The following SUPT3H variants were observed in gnomAD, a reference collection of about 807,000 sequenced individuals.
SUPT3H encodes SPT3 homolog, SAGA and STAGA complex component, also known as transcription initiation protein SPT3 homolog.
In SUPT3H, 44 loss-of-function variants were observed where a neutral mutation model predicts 44.3. That is an observed-to-expected ratio of 0.99 (90% CI 0.78 to 1.28). The LOEUF (loss-of-function observed/expected upper bound fraction) is 1.28, where lower values mean the gene tolerates loss of function less well. Among genes scored for constraint, SUPT3H ranks in the 50% most tolerant of loss-of-function variants. The pLI, the probability that SUPT3H is intolerant of heterozygous loss-of-function variation, is 0.00. For missense variants in SUPT3H, 380 were observed against 387.1 expected (o/e 0.98, Z 0.15); for synonymous variants, 124 against 125.6 (o/e 0.99, Z 0.09).
chr6:45,052,627 C>A (rs2153537034), intron 3 of SUPT3H, among the ~76,000 whole-genome samples: 1 of 152,282 alleles, frequency 6.6e-6, no homozygotes, highest in African/African-American at 2.4e-5. Context: ...AAAACCTCTA[C>A]ATAAATACGG....
rs752887669 is a variant in SUPT3H, at chr6:45,295,524, C to CAAAAAA, written c.101+69671_101+69676dup. Among the ~76,000 whole-genome samples the CAAAAAA allele has an allele frequency of 2.6e-3, 105 of 40,088 alleles. 4 individuals carry two copies. The highest frequency in any genetic ancestry group is 9.9e-3 in the East Asian group (4 of 404). 26.3% of individuals were successfully genotyped at this position (40,088 alleles called of 152,430 possible). A position where few individuals can be genotyped will look rare whatever the true frequency, so the allele number is the denominator to read the frequency against. ...ATTAAACGAAAGAGCTTTTGCACAGCAAAAAAAAAAAAAAAAAAAAAAAAA... is the reference window on the plus strand; with the variant it reads ...ATTAAACGAAAGAGCTTTTGCACAGCAAAAAAAAAAAAAAAAAAAAAAAAAAAAAAA... On this transcript the variant is annotated intron_variant, in intron 2 of 10. Transcript: ENST00000371459.
At chr6:44,889,039 C>T (rs1206966871) in intron 10 of SUPT3H, among the ~76,000 whole-genome samples, 1 of 149,126 alleles carries the variant, frequency 6.7e-6, no homozygotes, top group Non-Finnish European at 1.5e-5. Flanking sequence ...GAATAAAATA[C>T]CTAGGAATCC....
chr6:44,816,772 C>T (rs930492950), intron 11 of SUPT3H, among the ~76,000 whole-genome samples: 10 of 152,132 alleles, frequency 6.6e-5, no homozygotes, highest in Non-Finnish European at 1.2e-4. Flanking sequence ...ATCAAAATGT[C>T]GCCAGGCACA....
chr6:45,326,288 C>T (rs1288062572), intron 2 of SUPT3H, among the ~76,000 whole-genome samples: 3 of 151,808 alleles, frequency 2.0e-5, no homozygotes, highest in Non-Finnish European at 4.4e-5. Flanking sequence ...CAGCTACCTA[C>T]ATATTTTCAA....
intron 2 of SUPT3H, among the ~76,000 whole-genome samples, chr6:45,272,842 C>T (rs574756297): frequency 4.4e-4 from 67 of 152,198 alleles, no homozygotes; most frequent in Non-Finnish European, 8.4e-4. Flanking sequence ...ACAAGCAAAA[C>T]GCCTCAAGCA....
At position 44,953,404 on chromosome 6, in the gene SUPT3H, G is replaced by A. The variant is rs1406734076; in HGVS notation, c.707C>T (p.Ala236Val). 3.7e-6 allele frequency: 6 copies of A among 1,613,954 alleles called. No homozygotes were observed. Among genetic ancestry groups the A allele is most frequent in the Non-Finnish European group, 5.1e-6 (6 of 1,179,878 alleles). Residue 236 changes from alanine to valine, a missense_variant, in exon 9 of 11, where the codon GCT (alanine) becomes GTT (valine). Physicochemically the swap from Ala to Val is moderately conservative, Grantham distance 64. Transcript: ENST00000371459. ...TACCATGTCTTGCCTCACAAGAAGAGCCAGATCCACTAACTAGAAGACCAG... is the reference window on the plus strand; with the variant it reads ...TACCATGTCTTGCCTCACAAGAAGAACCAGATCCACTAACTAGAAGACCAG... Reference protein sequence around the residue: ...YETVAQLVDLALLVRQDMVTK... With the variant: ...YETVAQLVDLVLLVRQDMVTK...
At chr6:44,876,830 T>G (rs1777368897) in intron 10 of SUPT3H, among the ~76,000 whole-genome samples, 1 of 87,914 alleles carries the variant, frequency 1.1e-5, no homozygotes, top group African/African-American at 3.5e-5. Context: ...ATAAAGATCT[T>G]CAATTGAAAA....
intron 10 of SUPT3H, among the ~76,000 whole-genome samples, chr6:44,930,242 G>A (rs1342650986): frequency 6.6e-6 from 1 of 152,096 alleles, no homozygotes; most frequent in Admixed American, 6.5e-5. Context: ...TTAGCCAGGC[G>A]TGATGGCGGG....
At chr6:45,196,444 A>G (rs1816041234) in intron 2 of SUPT3H, among the ~76,000 whole-genome samples, 1 of 152,074 alleles carries the variant, frequency 6.6e-6, no homozygotes, top group South Asian at 2.1e-4. Flanking sequence ...CTTCAGAAAT[A>G]CAATCAGGTA....
intron 2 of SUPT3H, among the ~76,000 whole-genome samples, chr6:45,267,386 T>C (rs1222303361): frequency 6.6e-5 from 10 of 152,240 alleles, no homozygotes; most frequent in African/African-American, 2.4e-4. Context: ...CCCATATTCA[T>C]ACATAAAAAT....
chr6:45,204,942 T>C (rs1287060386), intron 2 of SUPT3H, among the ~76,000 whole-genome samples: 1 of 152,194 alleles, frequency 6.6e-6, no homozygotes, highest in Non-Finnish European at 1.5e-5. Context: ...TACCAAGTAA[T>C]TTTACTTCCT....
chr6:44,904,649 C>T (rs1356308795), intron 10 of SUPT3H, among the ~76,000 whole-genome samples: 3 of 152,166 alleles, frequency 2.0e-5, no homozygotes, highest in Non-Finnish European at 4.4e-5. Flanking sequence ...TGACTTTCTT[C>T]ACAGAATTGG....
chr6:45,016,310 T>C (rs1225727473), intron 4 of SUPT3H, among the ~76,000 whole-genome samples: 1 of 152,018 alleles, frequency 6.6e-6, no homozygotes, highest in East Asian at 1.9e-4. Context: ...GGTACCTGAC[T>C]ATAATTGTTT....
intron 2 of SUPT3H, among the ~76,000 whole-genome samples, chr6:45,262,970 T>C (rs1263320574): frequency 6.6e-6 from 1 of 152,110 alleles, no homozygotes; most frequent in Admixed American, 6.6e-5. Flanking sequence ...ATCGTTGTTA[T>C]TAAAAAGTCA....
intron 10 of SUPT3H, among the ~76,000 whole-genome samples, chr6:44,896,919 A>C (rs557885276): frequency 6.6e-6 from 1 of 152,324 alleles, no homozygotes; most frequent in Non-Finnish European, 1.5e-5. Flanking sequence ...TATCAGATCC[A>C]GATTCTCTTT....
At chr6:44,909,940 G>A (rs1269622580) in intron 10 of SUPT3H, among the ~76,000 whole-genome samples, 2 of 152,188 alleles carry the variant, frequency 1.3e-5, no homozygotes, top group Admixed American at 6.5e-5. Context: ...ACGAATTGCT[G>A]GTGGGAGGGT....
intron 2 of SUPT3H, among the ~76,000 whole-genome samples, chr6:45,337,251 A>G (rs1244052622): frequency 1.3e-5 from 2 of 151,726 alleles, no homozygotes; most frequent in African/African-American, 4.8e-5. Flanking sequence ...TGCAATTATA[A>G]TGTGTGATAC....
intron 2 of SUPT3H, among the ~76,000 whole-genome samples, chr6:45,312,416 G>A (rs932193081): frequency 6.6e-6 from 1 of 151,504 alleles, no homozygotes; most frequent in African/African-American, 2.4e-5. Context: ...TCAGGAAGCT[G>A]AGGCAGGAGA....
At chr6:45,356,743 T>C (rs1174695173) in intron 2 of SUPT3H, among the ~76,000 whole-genome samples, 2 of 152,086 alleles carry the variant, frequency 1.3e-5, no homozygotes, top group African/African-American at 4.8e-5. Flanking sequence ...AAAGTGTCCA[T>C]CAGTCTCACA....
Sources: gnomAD v4.1 joint callset for allele counts (sites outside exome capture counted in the v4.1 genomes callset) on GRCh38, gnomAD v4.1.1 for gene constraint, MANE v1.5 for transcripts, NCBI Gene and HGNC (gene_info 2026-07-23, HGNC 2026-07-21) for gene names.